BTBD8: variants seen among roughly 807,000 people sequenced by gnomAD.
BTBD8 encodes BTB/POZ domain-containing protein 8.
BTBD8 carries 110 observed loss-of-function variants against 162.9 expected under a neutral mutation model. The ratio of observed to expected loss-of-function variants is 0.68; its 90% CI spans 0.58 to 0.79. BTBD8 has a LOEUF of 0.79. Among genes scored for constraint, BTBD8 ranks in the 30% least tolerant of loss-of-function variants. The pLI is 0.00. For missense variants in BTBD8, 1,905 were observed against 2,085.4 expected (o/e 0.91, Z 1.68); for synonymous variants, 667 against 716.1 (o/e 0.93, Z 1.10).
At chr1:92,139,789 C>A in intron 6 of BTBD8, 1 of 190,078 alleles carries the variant, frequency 5.3e-6, no homozygotes, top group Non-Finnish European at 9.8e-6. Context: ...AAAGAAAAAA[C>A]ATAGTTAAGA....
chr1:92,102,097 C>T (rs183596913), intron 2 of BTBD8, among the ~76,000 whole-genome samples: 8 of 152,302 alleles, frequency 5.3e-5, no homozygotes, highest in Admixed American at 3.3e-4. Flanking sequence ...TCTCAGCTCA[C>T]TGCAACCTCC....
intron 8 of BTBD8, 120 bp downstream of exon 8, chr1:92,147,388 C>A: frequency 1.3e-6 from 1 of 775,672 alleles, no homozygotes; most frequent in East Asian, 2.7e-5. Flanking sequence ...AAGTAAGTAG[C>A]TTAGTGCTAA....
At chr1:92,153,310 T>C (rs545198270) in intron 9 of BTBD8, among the ~76,000 whole-genome samples, 2 of 152,328 alleles carry the variant, frequency 1.3e-5, no homozygotes, top group Non-Finnish European at 2.9e-5. Context: ...ATGAATTCTA[T>C]CTGGCAATTC....
At chr1:92,154,230 C>T (rs561993585) in intron 9 of BTBD8, among the ~76,000 whole-genome samples, 42 of 152,302 alleles carry the variant, frequency 2.8e-4, no homozygotes, top group African/African-American at 9.6e-4. Flanking sequence ...TAATAAACCT[C>T]TTTTCCTTAT....
In BTBD8 at chr1:92,180,569, A is replaced by G. The variant is rs1172477361; in HGVS notation, c.2886A>G (p.Thr962=). Residue 962 remains threonine (T), a synonymous_variant, in exon 17 of 18, where the codon ACA becomes ACG. Coordinates refer to ENST00000636805, the MANE Select transcript of BTBD8 (RefSeq NM_001376131.1). ...PSSQRPLKHE[T]STVQKSMFHD... The stretch of plus-strand genomic sequence containing the variant: ...CCCAAAGACCTTTAAAACATGAAAC[A>G]TCTACTGTCCAAAAAAGTATGTTTC... 6.4e-7 allele frequency: 1 copy of G among 1,551,638 alleles called. No individual in the cohort carries two copies.
Position 92,122,647 on chromosome 1 carries a change from C to T in BTBD8, c.663-7040C>T, listed in dbSNP as rs550320209. Among the ~76,000 whole-genome samples the T allele has an allele frequency of 5.3e-4, 80 of 152,178 alleles. 1 individual carries two copies. Among genetic ancestry groups the T allele is most frequent in the African/African-American group, 1.9e-3 (77 of 41,526 alleles). On this transcript the variant is annotated intron_variant, in intron 4 of 17. Coordinates refer to ENST00000636805, the MANE Select transcript of BTBD8 (RefSeq NM_001376131.1). ...GGCATGATCTCGGCTCACTACAAGC[C>T]TGCGCCCCTCAGGTTCAAGAGATTC...
At chr1:92,165,851 G>A (rs1650372277) in intron 9 of BTBD8, among the ~76,000 whole-genome samples, 1 of 152,190 alleles carries the variant, frequency 6.6e-6, no homozygotes, top group Admixed American at 6.5e-5. Context: ...GTTAAGGCAA[G>A]TGAGAAGGCT....
In BTBD8 at chr1:92,125,878, G is replaced by C. The variant is rs112766134; in HGVS notation, c.663-3809G>C. On this transcript the variant is annotated intron_variant, in intron 4 of 17. Coordinates refer to ENST00000636805, the MANE Select transcript of BTBD8 (RefSeq NM_001376131.1). ...ATTGAGCAAGGAGAGAGGGATGTCTGTGTCAATGATGAATGAGCAACCAGT... is the reference window on the plus strand; with the variant it reads ...ATTGAGCAAGGAGAGAGGGATGTCTCTGTCAATGATGAATGAGCAACCAGT... The C allele has an allele frequency of 1.7e-4, 70 of 421,560 alleles. 1 individual carries two copies. The highest frequency in any genetic ancestry group is 1.3e-3 in the African/African-American group (63 of 48,760). The allele number at this position is 421,560 out of a possible 1,614,324, so 26.1% of individuals were successfully genotyped here. A position where few individuals can be genotyped will look rare whatever the true frequency, so the allele number is the denominator to read the frequency against.
chr1:92,091,195 A>G (rs754741118), intron 2 of BTBD8, among the ~76,000 whole-genome samples: 5 of 151,930 alleles, frequency 3.3e-5, no homozygotes, highest in Admixed American at 6.6e-5. Flanking sequence ...TTCTCAGGAG[A>G]TCTGGTTGTT....
intron 5 of BTBD8, among the ~76,000 whole-genome samples, chr1:92,138,338 T>C (rs1649682192): frequency 1.3e-5 from 2 of 152,252 alleles, no homozygotes; most frequent in Admixed American, 1.3e-4. Context: ...ACAAATTTTG[T>C]GTATATTGAA....
At chr1:92,096,551 C>CT (rs1184914140) in intron 2 of BTBD8, among the ~76,000 whole-genome samples, 4,885 of 139,110 alleles carry the variant, frequency 0.035, 79 homozygotes, top group African/African-American at 0.042. Context: ...CCTATATTTC[C>CT]TTTTTTTTTT....
Position 92,181,877 on chromosome 1 carries a change from T to A in BTBD8, c.4194T>A (p.Asn1398Lys), listed in dbSNP as rs931827343. The change falls in exon 17 of 18, where the codon AAT becomes AAA. Residue 1398 changes from asparagine (N) to lysine (K), a missense_variant. Transcript: ENST00000636805. Reference protein sequence around the residue: ...ERSEAENVAENFSISNPAPQQ... With the variant: ...ERSEAENVAEKFSISNPAPQQ... ...CTGAAGCTGAAAACGTTGCAGAAAATTTCTCTATATCTAACCCAGCTCCTC... is the reference window on the plus strand; with the variant it reads ...CTGAAGCTGAAAACGTTGCAGAAAAATTCTCTATATCTAACCCAGCTCCTC... 1.9e-6 allele frequency: 3 copies of A among 1,550,994 alleles called. No homozygotes were observed. Among genetic ancestry groups the A allele is most frequent in the Non-Finnish European group, 2.6e-6 (3 of 1,146,856 alleles).
chr1:92,159,585 G>T (rs568639184), intron 9 of BTBD8, among the ~76,000 whole-genome samples: 25 of 152,248 alleles, frequency 1.6e-4, no homozygotes, highest in African/African-American at 5.5e-4. Context: ...TCCTTTTAAG[G>T]CAGATCAACT....
chr1:92,174,289 C>T (rs1022527767), intron 13 of BTBD8, among the ~76,000 whole-genome samples: 1 of 152,106 alleles, frequency 6.6e-6, no homozygotes, highest in Non-Finnish European at 1.5e-5. Context: ...CTTCTGGGCT[C>T]AAGGGATCCT....
chr1:92,116,631 T>A (rs1214681007), intron 4 of BTBD8, among the ~76,000 whole-genome samples: 1 of 152,066 alleles, frequency 6.6e-6, no homozygotes, highest in Non-Finnish European at 1.5e-5. Flanking sequence ...TTGGTTAATA[T>A]CACCACTCCA....
At chr1:92,118,803 C>CTTTTTTTTTTTTTTTTTTTTTTTTTTTTT (rs386367658) in intron 4 of BTBD8, among the ~76,000 whole-genome samples, 1 of 95,282 alleles carries the variant, frequency 1.0e-5, no homozygotes, top group Non-Finnish European at 1.9e-5. Context: ...TTCTTTCTTT[C>CTTTTTTTTTTTTTTTTTTTTTTTTTTTTT]TTTTTTTTTT....
intron 5 of BTBD8, among the ~76,000 whole-genome samples, chr1:92,134,774 T>C (rs943891265): frequency 9.9e-5 from 15 of 151,914 alleles, no homozygotes; most frequent in African/African-American, 3.6e-4. Context: ...AAAGAATGAG[T>C]GAATGAATGG....
chr1:92,088,056 T>C (rs2101892444), intron 1 of BTBD8, among the ~76,000 whole-genome samples: 1 of 152,288 alleles, frequency 6.6e-6, no homozygotes. Context: ...GCAAAGGGAT[T>C]TGAAAGGATC....
chr1:92,164,643 A>C (rs1436395952), intron 9 of BTBD8, among the ~76,000 whole-genome samples: 1 of 147,830 alleles, frequency 6.8e-6, no homozygotes, highest in Non-Finnish European at 1.5e-5. Flanking sequence ...GCACCACTGC[A>C]CTCCTGCCTG....
Sources: gnomAD v4.1 joint callset for allele counts (sites outside exome capture counted in the v4.1 genomes callset) on GRCh38, gnomAD v4.1.1 for gene constraint, MANE v1.5 for transcripts, NCBI Gene and HGNC (gene_info 2026-07-23, HGNC 2026-07-21) for gene names.